The following CFDP1 variants were observed in gnomAD, a reference collection of about 807,000 sequenced individuals.
The protein encoded by CFDP1 is heterochromatin-stabilizing protein CFDP1.
A neutral mutation model predicts 40.1 loss-of-function variants in CFDP1; 31 were observed. The observed-to-expected ratio is 0.77, with a 90% CI of 0.58 to 1.04. The LOEUF (loss-of-function observed/expected upper bound fraction) is 1.04, where lower values mean the gene tolerates loss of function less well. Ranked by LOEUF, CFDP1 falls within the 50% of genes least tolerant of loss-of-function variation. CFDP1 has a pLI of 0.00. For synonymous variants in CFDP1, 167 were observed against 120.0 expected, an observed-to-expected ratio of 1.39 and a Z score of -2.56; for missense variants, 423 against 343.4, an observed-to-expected ratio of 1.23 and a Z score of -1.83.
intron 5 of CFDP1, among the ~76,000 whole-genome samples, chr16:75,356,432 C>T (rs1319637701): frequency 6.6e-6 from 1 of 152,066 alleles, no homozygotes; most frequent in East Asian, 1.9e-4. Flanking sequence ...TCTGTCTGAG[C>T]GGTATGTCTC....
chr16:75,386,898 TG>T (rs2078902920), intron 5 of CFDP1, among the ~76,000 whole-genome samples: 1 of 152,230 alleles, frequency 6.6e-6, no homozygotes, highest in African/African-American at 2.4e-5. Context: ...ATAATAGCTT[TG>T]AATCAACAAT....
At chr16:75,370,179 G>A (rs890383370) in intron 5 of CFDP1, among the ~76,000 whole-genome samples, 27 of 151,662 alleles carry the variant, frequency 1.8e-4, no homozygotes, top group African/African-American at 6.3e-4. Flanking sequence ...TGCAACCTCT[G>A]CCTCCCAGGT....
chr16:75,301,399 C>T (rs1156461305), intron 6 of CFDP1, among the ~76,000 whole-genome samples: 3 of 151,986 alleles, frequency 2.0e-5, no homozygotes, highest in East Asian at 1.9e-4. Flanking sequence ...AAGGCTGGAG[C>T]GTCGAGGAGG....
chr16:75,327,505 G>A (rs903021419), intron 5 of CFDP1, among the ~76,000 whole-genome samples: 17 of 152,070 alleles, frequency 1.1e-4, no homozygotes, highest in Non-Finnish European at 2.5e-4. Context: ...GAATACAGTA[G>A]AATAGTATAG....
intron 5 of CFDP1, among the ~76,000 whole-genome samples, chr16:75,358,260 T>C (rs1406747979): frequency 2.0e-5 from 3 of 152,140 alleles, no homozygotes; most frequent in Non-Finnish European, 4.4e-5. Flanking sequence ...AACTCAAACC[T>C]TCAATGTGTA....
chr16:75,335,343 TCAAA>T (rs2078479162), intron 5 of CFDP1, among the ~76,000 whole-genome samples: 1 of 152,124 alleles, frequency 6.6e-6, no homozygotes, highest in Non-Finnish European at 1.5e-5. Flanking sequence ...TGGTCAAAAT[TCAAA>T]ATGATCAAAA....
intron 5 of CFDP1, 64 bp downstream of exon 5, chr16:75,395,026 G>C (rs1309848256): frequency 1.9e-6 from 3 of 1,595,612 alleles, no homozygotes; most frequent in Admixed American, 1.7e-5. Context: ...GCGAAAGTAG[G>C]TATTTGCACT....
At chr16:75,319,604 C>A (rs1242575632) in intron 5 of CFDP1, among the ~76,000 whole-genome samples, 1 of 152,176 alleles carries the variant, frequency 6.6e-6, no homozygotes, top group Non-Finnish European at 1.5e-5. Context: ...GCCAGGGTAG[C>A]AGCTCTGGCC....
chr16:75,347,437 T>C (rs1463389913), intron 5 of CFDP1, among the ~76,000 whole-genome samples: 1 of 150,876 alleles, frequency 6.6e-6, no homozygotes, highest in Non-Finnish European at 1.5e-5. Flanking sequence ...CCCAGCACTT[T>C]AGGAGGCCCA....
intron 5 of CFDP1, among the ~76,000 whole-genome samples, chr16:75,319,578 G>A (rs78723320): frequency 0.015 from 2,351 of 152,188 alleles, 54 homozygotes; most frequent in African/African-American, 0.053. Context: ...CCGCAACATC[G>A]TTTGCTCACT....
chr16:75,351,141 T>C (rs1311108961), intron 5 of CFDP1, among the ~76,000 whole-genome samples: 1 of 152,224 alleles, frequency 6.6e-6, no homozygotes, highest in South Asian at 2.1e-4. Context: ...TGTTTTGTTC[T>C]TAGGAAGGTA....
In CFDP1 at chr16:75,411,853, C is replaced by A; in HGVS notation, c.502G>T (p.Val168Leu). The A allele has an allele frequency of 6.2e-7, 1 of 1,610,744 alleles. No homozygotes were observed. The highest frequency in any genetic ancestry group is 8.5e-7 in the Non-Finnish European group (1 of 1,179,324). ...ACTTCTTCACCAGCAAAATCAAACA[C>A]CTTGGTGATTTTAACTTTTTCTGTT... is the stretch of plus-strand genomic sequence containing the variant. ...KETEKVKITK[V>L]FDFAGEEVRV... The change falls in exon 4 of 7, where the codon GTG (valine) becomes TTG (leucine). Residue 168 changes from valine (V) to leucine (L), a missense_variant. Physicochemically the swap from Val to Leu is conservative, Grantham distance 32 (BLOSUM62 1). Coordinates refer to ENST00000283882, the MANE Select transcript of CFDP1 (RefSeq NM_006324.3).
At chr16:75,355,854 G>C (rs1007911065) in intron 5 of CFDP1, among the ~76,000 whole-genome samples, 4 of 152,190 alleles carry the variant, frequency 2.6e-5, no homozygotes, top group Non-Finnish European at 4.4e-5. Context: ...GCGGAACTGA[G>C]AGTCAATTAA....
intron 5 of CFDP1, among the ~76,000 whole-genome samples, chr16:75,331,402 C>G (rs2078445095): frequency 2.0e-5 from 3 of 152,136 alleles, no homozygotes; most frequent in Non-Finnish European, 2.9e-5. Flanking sequence ...CAGGCGTAAA[C>G]CACTATGCCC....
At chr16:75,369,712 T>C (rs2078738776) in intron 5 of CFDP1, among the ~76,000 whole-genome samples, 1 of 152,234 alleles carries the variant, frequency 6.6e-6, no homozygotes, top group Non-Finnish European at 1.5e-5. Flanking sequence ...GTTTCCAAAC[T>C]GGCCTCCTTT....
chr16:75,357,377 C>T (rs985552907), intron 5 of CFDP1, among the ~76,000 whole-genome samples: 1 of 152,122 alleles, frequency 6.6e-6, no homozygotes, highest in Admixed American at 6.6e-5. Flanking sequence ...ACCTCAGCCT[C>T]CTGAGTAGCT....
chr16:75,429,426 G>A (rs2151606687), intron 1 of CFDP1, among the ~76,000 whole-genome samples: 2 of 152,288 alleles, frequency 1.3e-5, no homozygotes, highest in Middle Eastern at 6.8e-3. Flanking sequence ...GGCTGAGGAG[G>A]GCGGATCACC....
At position 75,369,401 on chromosome 16, in the gene CFDP1, A is replaced by AACAAAT. The variant is rs2078737016; in HGVS notation, c.650+25688_650+25689insATTTGT. On this transcript the variant is annotated intron_variant, in intron 5 of 6. Coordinates refer to ENST00000283882, the MANE Select transcript of CFDP1 (RefSeq NM_006324.3). ...TCGCTTCAAAAAAAACAAAAACAAA[A>AACAAAT]CAACCCACAAAAAAACAAAAAGCCA... is the stretch of plus-strand genomic sequence containing the variant. Among the ~76,000 whole-genome samples the AACAAAT allele has an allele frequency of 2.0e-5, 3 of 152,134 alleles. No individual in the cohort carries two copies. The East Asian group carries it at 5.8e-4, about 29-fold the overall frequency.
intron 5 of CFDP1, among the ~76,000 whole-genome samples, chr16:75,388,044 G>A (rs1402026418): frequency 2.0e-5 from 3 of 152,196 alleles, no homozygotes; most frequent in Admixed American, 6.5e-5. Context: ...GAATAAGAGC[G>A]AGCAGTGGCA....
Sources: gnomAD v4.1 joint callset for allele counts (sites outside exome capture counted in the v4.1 genomes callset) on GRCh38, gnomAD v4.1.1 for gene constraint, MANE v1.5 for transcripts, NCBI Gene and HGNC (gene_info 2026-07-23, HGNC 2026-07-21) for gene names.